RGS12: variants seen among roughly 807,000 people sequenced by gnomAD.
RGS12 encodes the protein regulator of G-protein signaling 12.
A neutral mutation model predicts 120.1 loss-of-function variants in RGS12; 66 were observed. The observed-to-expected ratio is 0.55, with a 90% CI of 0.45 to 0.67. The LOEUF (loss-of-function observed/expected upper bound fraction) is 0.67. Among genes scored for constraint, RGS12 ranks in the 30% least tolerant of loss-of-function variants. The pLI is 0.00. For missense variants in RGS12, 1,859 were observed against 1,957.7 expected, an observed-to-expected ratio of 0.95 and a Z score of 0.95; for synonymous variants, 827 against 804.7, an observed-to-expected ratio of 1.03 and a Z score of -0.47.
At chr4:3,379,277 C>T (rs986101989) in intron 3 of RGS12, among the ~76,000 whole-genome samples, 1 of 152,048 alleles carries the variant, frequency 6.6e-6, no homozygotes, top group African/African-American at 2.4e-5. Flanking sequence ...TTCTAGAGAC[C>T]TGATGTACAG....
chr4:3,352,337 G>A lies in RGS12; in HGVS notation c.1998+9284G>A, dbSNP rs543569346. 5.3e-5 allele frequency among the ~76,000 whole-genome samples: 8 copies of A among 152,242 alleles called. 1 individual carries two copies. Among genetic ancestry groups the A allele is most frequent in the South Asian group, 2.1e-4 (1 of 4,818 alleles). On this transcript the variant is annotated intron_variant, in intron 3 of 17. Coordinates refer to ENST00000336727, the MANE Select transcript of RGS12 (RefSeq NM_001394154.1). The stretch of plus-strand genomic sequence containing the variant: ...GGAGACTTTCAAGGGCAGAAGAGGC[G>A]AGTCATGGAAGCAGAGAGCTCAAAG...
intron 3 of RGS12, among the ~76,000 whole-genome samples, chr4:3,373,773 G>A (rs894358249): frequency 4.6e-5 from 7 of 152,158 alleles, no homozygotes; most frequent in Admixed American, 4.6e-4. Context: ...AGTCTGTGCC[G>A]GCGAGCATCA....
chr4:3,293,950 A>G lies in RGS12; in HGVS notation c.-102+851A>G, dbSNP rs3129312. On this transcript the variant is annotated intron_variant, in intron 1 of 17. Coordinates refer to ENST00000336727, the MANE Select transcript of RGS12 (RefSeq NM_001394154.1). ...AGTCTCATAGCCGTGCAGACAGAGAAGGGGCCCAGAGCCATGGAGTGTAGA... is the reference window on the plus strand; with the variant it reads ...AGTCTCATAGCCGTGCAGACAGAGAGGGGGCCCAGAGCCATGGAGTGTAGA... 2.5e-3 allele frequency among the ~76,000 whole-genome samples: 60 copies of G among 23,996 alleles called. 2 individuals are homozygous for G. Among genetic ancestry groups the G allele is most frequent in the African/African-American group, 3.3e-4 (1 of 3,036 alleles). The allele number at this position is 23,996 out of a possible 152,430, so 15.7% of individuals were successfully genotyped here. A position where few individuals can be genotyped will look rare whatever the true frequency, so the allele number is the denominator to read the frequency against.
At chr4:3,303,800 A>G (rs1483190532) in intron 1 of RGS12, among the ~76,000 whole-genome samples, 3 of 152,256 alleles carry the variant, frequency 2.0e-5, no homozygotes, top group Non-Finnish European at 4.4e-5. Context: ...GACTTTCTGA[A>G]TGCTACTTCC....
Position 3,438,132 on chromosome 4 carries a change from G to A in RGS12, c.4115-1323G>A, listed in dbSNP as rs185686855. Among the ~76,000 whole-genome samples the A allele has an allele frequency of 2.3e-3, 349 of 152,184 alleles. 2 individuals are homozygous for A. The highest frequency in any genetic ancestry group is 7.5e-3 in the African/African-American group (311 of 41,518). ...CCCCTGTCCCTGGTTCTCATGTGCC[G>A]GGGGCTGGCTCTTCCTGCCTCCTGT... On this transcript the variant is annotated intron_variant, in intron 17 of 17. Coordinates refer to ENST00000336727, the MANE Select transcript of RGS12 (RefSeq NM_001394154.1).
chr4:3,343,166 C>T, intron 3 of RGS12, 113 bp downstream of exon 3: 1 of 697,226 alleles, frequency 1.4e-6, no homozygotes, highest in Non-Finnish European at 2.5e-6. Context: ...TCCCCTCCTC[C>T]TCTGTAGTGG....
At chr4:3,380,785 C>T (rs1478109991) in intron 3 of RGS12, among the ~76,000 whole-genome samples, 1 of 152,138 alleles carries the variant, frequency 6.6e-6, no homozygotes, top group African/African-American at 2.4e-5. Context: ...TGGGTCCAGC[C>T]CAGGAAACAA....
rs186043596 is a variant in RGS12, at chr4:3,433,911, A to C, written c.4114+2956A>C. Reference sequence around the variant, plus strand: ...TTGGCCACTTGCTGCCAGGCCACCCAGTCTAATGGCCCTGAGCCTTAGCTG... The same window carrying C: ...TTGGCCACTTGCTGCCAGGCCACCCCGTCTAATGGCCCTGAGCCTTAGCTG... On this transcript the variant is annotated intron_variant, in intron 17 of 17. Transcript: ENST00000336727. The surrounding 1 kb of genome is among the most constrained non-coding windows in gnomAD (Gnocchi z 4.4). Among the ~76,000 whole-genome samples, 152 of 152,230 alleles carry C rather than the reference A, an allele frequency of 1.0e-3. 1 individual carries two copies. Among genetic ancestry groups the C allele is most frequent in the Admixed American group, 2.8e-3 (43 of 15,298 alleles).
rs560432363 is a variant in RGS12 at position 3,422,708 on chromosome 4, A to T, written c.3033+138A>T. 2,708 of 1,106,694 alleles carry T rather than the reference A, an allele frequency of 2.4e-3. 5 individuals are homozygous for T. Among genetic ancestry groups the T allele is most frequent in the Non-Finnish European group, 3.2e-3 (2,478 of 777,916 alleles). The allele number at this position is 1,106,694 out of a possible 1,614,324, so 68.6% of individuals were successfully genotyped here. On this transcript the variant is annotated intron_variant, in intron 11 of 17. Transcript: ENST00000336727. Reference sequence around the variant, plus strand: ...CAGCGCCTGGGGCGGAGGCCGGATTATCTGAACTGAGCTATCTGCTGGGAG... The same window carrying T: ...CAGCGCCTGGGGCGGAGGCCGGATTTTCTGAACTGAGCTATCTGCTGGGAG...
intron 2 of RGS12, among the ~76,000 whole-genome samples, chr4:3,332,705 G>A (rs1285859344): frequency 6.6e-6 from 1 of 152,206 alleles, no homozygotes; most frequent in Non-Finnish European, 1.5e-5. Context: ...ATAGACGCTG[G>A]CTGTTAGTCC....
chr4:3,363,224 T>A (rs887136416), intron 3 of RGS12, among the ~76,000 whole-genome samples: 2 of 152,126 alleles, frequency 1.3e-5, no homozygotes, highest in African/African-American at 4.8e-5. Flanking sequence ...TCTGTCCCTC[T>A]TCTTACCCCA....
intron 17 of RGS12, among the ~76,000 whole-genome samples, chr4:3,436,815 A>G (rs1724851884): frequency 6.6e-6 from 1 of 152,146 alleles, no homozygotes; most frequent in African/African-American, 2.4e-5. Context: ...TGGGGCCTCC[A>G]GCAGGACCCC....
At chr4:3,412,338 C>T (rs1721825790) in intron 4 of RGS12, among the ~76,000 whole-genome samples, 1 of 152,236 alleles carries the variant, frequency 6.6e-6, no homozygotes, top group Admixed American at 6.5e-5. Context: ...CCTGCCAGGC[C>T]TCTGCCTGTC....
intron 3 of RGS12, among the ~76,000 whole-genome samples, chr4:3,376,860 T>A (rs1717753179): frequency 1.3e-5 from 2 of 152,148 alleles, no homozygotes; most frequent in South Asian, 4.1e-4. Flanking sequence ...TCAGAGACCC[T>A]CCCAGATGCA....
intron 4 of RGS12, among the ~76,000 whole-genome samples, chr4:3,395,167 C>T (rs1719925924): frequency 6.6e-6 from 1 of 151,540 alleles, no homozygotes; most frequent in Non-Finnish European, 1.5e-5. Context: ...AGAGTTTGCG[C>T]CACTGCACTC....
intron 1 of RGS12, among the ~76,000 whole-genome samples, chr4:3,296,875 C>T (rs1028591820): frequency 3.9e-5 from 6 of 152,184 alleles, no homozygotes; most frequent in African/African-American, 1.4e-4. Flanking sequence ...TGTGGGAGGT[C>T]ACTCATGCTG....
chr4:3,373,188 A>T (rs928397182), intron 3 of RGS12, among the ~76,000 whole-genome samples: 1 of 152,232 alleles, frequency 6.6e-6, no homozygotes, highest in African/African-American at 2.4e-5. Flanking sequence ...GACACGCAGC[A>T]GTCACTCTGG....
intron 3 of RGS12, among the ~76,000 whole-genome samples, chr4:3,379,906 C>A (rs1335588783): frequency 6.6e-6 from 1 of 152,206 alleles, no homozygotes; most frequent in Non-Finnish European, 1.5e-5. Context: ...CCTCCAAAAT[C>A]TCATATCCTC....
intron 2 of RGS12, among the ~76,000 whole-genome samples, chr4:3,339,737 G>A (rs1032089600): frequency 3.9e-5 from 6 of 152,194 alleles, no homozygotes; most frequent in Non-Finnish European, 5.9e-5. Context: ...GGAGGTGGGC[G>A]GGCGGTTGCT....
Sources: allele counts gnomAD v4.1 joint callset (sites outside exome capture counted in the v4.1 genomes callset), GRCh38; gene constraint gnomAD v4.1.1; non-coding constraint Gnocchi (gnomAD v3.1); transcripts MANE v1.5; gene names NCBI Gene and HGNC (gene_info 2026-07-23, HGNC 2026-07-21).